The following ATP8B4 variants were observed in gnomAD, a reference collection of about 807,000 sequenced individuals.
ATP8B4 encodes probable phospholipid-transporting ATPase IM.
A neutral mutation model predicts 145.6 loss-of-function variants in ATP8B4; 133 were observed. The ratio of observed to expected loss-of-function variants is 0.91; its 90% CI spans 0.79 to 1.05. The LOEUF is 1.05. Ranked by LOEUF, ATP8B4 falls within the 50% of genes least tolerant of loss-of-function variation. The pLI is 0.00. For missense variants in ATP8B4, 1,458 were observed against 1,425.2 expected, an observed-to-expected ratio of 1.02 and a Z score of -0.37; for synonymous variants, 507 against 492.9, an observed-to-expected ratio of 1.03 and a Z score of -0.38.
intron 14 of ATP8B4, among the ~76,000 whole-genome samples, chr15:49,940,563 A>T (rs1173366237): frequency 6.6e-6 from 1 of 152,146 alleles, no homozygotes; most frequent in Non-Finnish European, 1.5e-5. Context: ...TTGAAATTAT[A>T]AAAAAAATTT....
At chr15:49,877,050 A>G (rs992745123) in intron 24 of ATP8B4, among the ~76,000 whole-genome samples, 5 of 152,202 alleles carry the variant, frequency 3.3e-5, no homozygotes, top group Admixed American at 2.6e-4. Flanking sequence ...GGGAAACTGC[A>G]TTTGGGATTC....
intron 1 of ATP8B4, among the ~76,000 whole-genome samples, chr15:50,113,540 A>G (rs1488135641): frequency 6.6e-6 from 1 of 152,078 alleles, no homozygotes. Flanking sequence ...GGGTGTGTGT[A>G]AAAGCCAAAT....
intron 4 of ATP8B4, 44 bp downstream of exon 4, chr15:50,047,307 A>G (rs1346476106): frequency 8.1e-7 from 1 of 1,231,708 alleles, no homozygotes; most frequent in East Asian, 2.3e-5. Context: ...TTTTATGAAT[A>G]CTTTAAACAA....
At chr15:50,102,364 A>G (rs1187398587) in intron 2 of ATP8B4, among the ~76,000 whole-genome samples, 1 of 152,130 alleles carries the variant, frequency 6.6e-6, no homozygotes, top group Non-Finnish European at 1.5e-5. Context: ...AACCAAGAAA[A>G]GAAGAGAGAA....
chr15:50,121,462 T>C (rs568531181), upstream of ATP8B4, among the ~76,000 whole-genome samples: 1 of 152,250 alleles, frequency 6.6e-6, no homozygotes, highest in African/African-American at 2.4e-5. Flanking sequence ...CACTGAACTG[T>C]ACACTTAAAG....
chr15:49,901,176 T>A lies in ATP8B4; in HGVS notation c.2205A>T (p.Glu735Asp), dbSNP rs1311340417. The A allele has an allele frequency of 9.3e-6, 15 of 1,613,628 alleles. No individual in the cohort carries two copies. The highest frequency in any genetic ancestry group is 1.1e-5 in the Non-Finnish European group (13 of 1,179,744). ...AATCCAACTCCAGCTGCTGCTTTTT[T>A]TCACAAACTACATGGCCATTGGAAA... ...RNFSNGHVVC[E>D]KKQQLELDSI... Residue 735 changes from glutamate to aspartate, a missense_variant, in exon 21 of 28, where the codon GAA becomes GAT. By Grantham distance (45) the Glu-to-Asp change is conservative. Coordinates refer to ENST00000284509, the MANE Select transcript of ATP8B4 (RefSeq NM_024837.4).
chr15:49,959,424 A>T (rs774851971), intron 14 of ATP8B4, among the ~76,000 whole-genome samples: 7 of 152,166 alleles, frequency 4.6e-5, no homozygotes, highest in Middle Eastern at 3.4e-3. Flanking sequence ...AAGATATTTA[A>T]AAAAAGACCA....
At chr15:49,977,495 T>C (rs2045774976) in intron 12 of ATP8B4, among the ~76,000 whole-genome samples, 1 of 152,254 alleles carries the variant, frequency 6.6e-6, no homozygotes, top group Non-Finnish European at 1.5e-5. Context: ...GTCCCAACTC[T>C]CAGAAGACTT....
chr15:50,002,203 T>C lies in ATP8B4; in HGVS notation c.456A>G (p.Ser152=). The change falls in exon 8 of 28, where the codon TCA becomes TCG. Residue 152 remains serine (S), a synonymous_variant. Transcript: ENST00000284509. ...AACAGAGACCATGTGGCTCACTACT[T>C]GATAGGAGAAGTAAATCAGCCTATT... ...QFVAADLLLL[S]SSEPHGLCYV... is the part of the protein sequence containing the mutation. The C allele has an allele frequency of 6.2e-7, 1 of 1,610,658 alleles. No homozygotes were observed. The highest frequency in any genetic ancestry group is 1.3e-5 in the African/African-American group (1 of 74,934).
chr15:50,007,246 G>C (rs987814723), intron 7 of ATP8B4, among the ~76,000 whole-genome samples: 12 of 152,294 alleles, frequency 7.9e-5, no homozygotes, highest in African/African-American at 2.9e-4. Context: ...CGAACAGCTA[G>C]AAGTTATGCA....
At chr15:50,074,213 T>C (rs750503048) in intron 2 of ATP8B4, 28 bp from the exon 3 acceptor site, 2 of 1,588,496 alleles carry the variant, frequency 1.3e-6, no homozygotes, top group Non-Finnish European at 1.7e-6. Context: ...AAGTATGAAA[T>C]TAAATTGTAG....
intron 17 of ATP8B4, among the ~76,000 whole-genome samples, chr15:49,921,383 C>T (rs962902153): frequency 3.9e-5 from 6 of 152,204 alleles, no homozygotes; most frequent in South Asian, 4.1e-4. Context: ...TTTCCTGTAT[C>T]GTGACAATCT....
At chr15:50,077,330 G>C (rs75525176) in intron 2 of ATP8B4, among the ~76,000 whole-genome samples, 6,853 of 152,312 alleles carry the variant, frequency 0.045, 197 homozygotes, top group Non-Finnish European at 0.063. Context: ...TGAAATTACA[G>C]AAAACATTTT....
chr15:49,999,634 A>G (rs2047726058), intron 8 of ATP8B4, among the ~76,000 whole-genome samples: 1 of 152,124 alleles, frequency 6.6e-6, no homozygotes, highest in Admixed American at 6.6e-5. Flanking sequence ...GAGTATCTTG[A>G]TAAACTTCAA....
At chr15:49,938,877 A>G (rs1164771995) in intron 14 of ATP8B4, among the ~76,000 whole-genome samples, 1 of 152,226 alleles carries the variant, frequency 6.6e-6, no homozygotes, top group Non-Finnish European at 1.5e-5. Context: ...ATCTCAACAA[A>G]GTCAAAAAAA....
intron 1 of ATP8B4, among the ~76,000 whole-genome samples, chr15:50,171,155 G>A (rs1308242860): frequency 2.6e-5 from 4 of 152,134 alleles, no homozygotes; most frequent in African/African-American, 9.7e-5. Flanking sequence ...AGGTCATCAA[G>A]ACAGAAAGTC....
chr15:50,105,282 G>C (rs900120363), intron 2 of ATP8B4, among the ~76,000 whole-genome samples: 1 of 148,048 alleles, frequency 6.8e-6, no homozygotes, highest in Non-Finnish European at 1.5e-5. Context: ...AAGACCCCAC[G>C]TGTGTGTTTG....
chr15:50,001,494 TA>T (rs1370458173), intron 8 of ATP8B4, among the ~76,000 whole-genome samples: 1 of 152,202 alleles, frequency 6.6e-6, no homozygotes, highest in Non-Finnish European at 1.5e-5. Flanking sequence ...ACAAATTACC[TA>T]GGCTCTCTAA....
At chr15:49,876,818 A>G in intron 24 of ATP8B4, 1 of 501,200 alleles carries the variant, frequency 2.0e-6, no homozygotes, top group Non-Finnish European at 3.8e-6. Context: ...TTGGCTTCAA[A>G]TTGAAGTTTC....
Sources: allele counts gnomAD v4.1 joint callset (sites outside exome capture counted in the v4.1 genomes callset), GRCh38; gene constraint gnomAD v4.1.1; transcripts MANE v1.5; gene names NCBI Gene and HGNC (gene_info 2026-07-23, HGNC 2026-07-21).